The following SELENOI variants were observed in gnomAD, a reference collection of about 807,000 sequenced individuals.
SELENOI encodes ethanolaminephosphotransferase 1.
Under a neutral mutation model 50.7 loss-of-function variants are expected in SELENOI, and 24 were observed. The observed-to-expected ratio is 0.47, with a 90% CI of 0.34 to 0.67. The LOEUF is 0.67. SELENOI is among the 30% of genes least tolerant of loss of function. The probability of loss-of-function intolerance (pLI) is 0.01; values close to 1 mark genes in which losing one functional copy is unlikely to be tolerated. For missense variants in SELENOI, 352 were observed against 461.4 expected, an observed-to-expected ratio of 0.76 and a Z score of 2.17; for synonymous variants, 155 against 170.2, an observed-to-expected ratio of 0.91 and a Z score of 0.70.
intron 9 of SELENOI, among the ~76,000 whole-genome samples, 168 bp downstream of exon 9, chr2:26,386,704 T>A (rs1357784449): frequency 6.6e-6 from 1 of 152,238 alleles, no homozygotes; most frequent in African/African-American, 2.4e-5. Context: ...ATCCAGATGT[T>A]TAATTTCAGA....
intron 6 of SELENOI, 89 bp from the exon 7 acceptor site, chr2:26,383,210 G>C (rs1450460568): frequency 2.5e-6 from 2 of 810,112 alleles, no homozygotes; most frequent in East Asian, 6.3e-5. Flanking sequence ...AAATTTTTGG[G>C]GTCTAAAAAA....
intron 1 of SELENOI, among the ~76,000 whole-genome samples, chr2:26,362,340 T>G (rs1273348404): frequency 6.6e-6 from 1 of 152,210 alleles, no homozygotes; most frequent in Non-Finnish European, 1.5e-5. Flanking sequence ...GAAACACTGA[T>G]GTATTTCTTC....
At chr2:26,386,093 G>T (rs991454835) in intron 8 of SELENOI, among the ~76,000 whole-genome samples, 1 of 151,986 alleles carries the variant, frequency 6.6e-6, no homozygotes, top group African/African-American at 2.4e-5. Flanking sequence ...GTTGCCCAGT[G>T]GGAGAATGCC....
chr2:26,358,236 C>G (rs140593053), intron 1 of SELENOI, among the ~76,000 whole-genome samples: 83 of 152,262 alleles, frequency 5.5e-4, no homozygotes, highest in African/African-American at 1.9e-3. Flanking sequence ...AACCCCATCT[C>G]TACTAAAAAT....
At chr2:26,359,078 C>T (rs1230758712) in intron 1 of SELENOI, among the ~76,000 whole-genome samples, 8 of 152,132 alleles carry the variant, frequency 5.3e-5, no homozygotes, top group African/African-American at 9.7e-5. Context: ...ATTAGAACAC[C>T]GCCAGCCCCA....
intron 1 of SELENOI, among the ~76,000 whole-genome samples, chr2:26,361,425 T>C (rs904761011): frequency 6.6e-6 from 1 of 152,218 alleles, no homozygotes; most frequent in Non-Finnish European, 1.5e-5. Flanking sequence ...AAAACAACTA[T>C]AACAATGTAC....
At chr2:26,367,744 T>C in intron 4 of SELENOI, among the ~76,000 whole-genome samples, 1 of 152,166 alleles carries the variant, frequency 6.6e-6, no homozygotes, top group East Asian at 1.9e-4. Context: ...AAGGAAGTGA[T>C]CAATTCTTTT....
intron 1 of SELENOI, among the ~76,000 whole-genome samples, chr2:26,351,051 G>GTTGTTTTT (rs1558409882): frequency 2.0e-5 from 2 of 102,074 alleles, no homozygotes; most frequent in African/African-American, 1.1e-4. Flanking sequence ...TTCACTGTTT[G>GTTGTTTTT]TTTGTTTTTT....
chr2:26,377,273 T>C (rs1677587306), intron 6 of SELENOI, among the ~76,000 whole-genome samples: 1 of 152,046 alleles, frequency 6.6e-6, no homozygotes, highest in Non-Finnish European at 1.5e-5. Context: ...ATTCATTGCT[T>C]TTTTTTTCTT....
rs1278104177 is a variant in SELENOI, at chr2:26,349,343, G to C, written c.57+3054G>C. Reference sequence around the variant, plus strand: ...TTTTTTGAGATGGAGTTTTGCTTTTGTCGCCCAGGCTGGAGTGCAGTGGCG... The same window carrying C: ...TTTTTTGAGATGGAGTTTTGCTTTTCTCGCCCAGGCTGGAGTGCAGTGGCG... On this transcript the variant is annotated intron_variant, in intron 1 of 9. Transcript: ENST00000260585. Among the ~76,000 whole-genome samples the C allele has an allele frequency of 6.6e-5, 7 of 106,660 alleles. No individual in the cohort carries two copies. The Admixed American group carries it at 7.5e-4, about 11-fold the overall frequency. The allele number at this position is 106,660 out of a possible 152,430, so 70.0% of individuals were successfully genotyped here.
At chr2:26,380,403 T>TC (rs1308270082) in intron 6 of SELENOI, among the ~76,000 whole-genome samples, 1 of 152,034 alleles carries the variant, frequency 6.6e-6, no homozygotes, top group Non-Finnish European at 1.5e-5. Flanking sequence ...CCTTTTTTCC[T>TC]CCCCCCTCTT....
chr2:26,364,081 T>C (rs1163563814), intron 1 of SELENOI, among the ~76,000 whole-genome samples: 48 of 46,544 alleles, frequency 1.0e-3, no homozygotes, highest in Middle Eastern at 0.021. Context: ...TCTCCCCCTT[T>C]TTTTTTTTTT....
At chr2:26,361,713 G>C (rs1389737287) in intron 1 of SELENOI, among the ~76,000 whole-genome samples, 1 of 151,870 alleles carries the variant, frequency 6.6e-6, no homozygotes, top group Admixed American at 6.6e-5. Flanking sequence ...GAGCGCAGTG[G>C]CACAATCTTG....
intron 1 of SELENOI, among the ~76,000 whole-genome samples, chr2:26,361,727 C>T (rs1044867135): frequency 3.3e-5 from 5 of 151,846 alleles, no homozygotes; most frequent in African/African-American, 7.2e-5. Context: ...AATCTTGGCT[C>T]ACTGCAGCCT....
chr2:26,346,323 T>C (rs1676752199), intron 1 of SELENOI, 34 bp downstream of exon 1: 1 of 1,591,614 alleles, frequency 6.3e-7, no homozygotes. Flanking sequence ...CTCTCCCTGC[T>C]CCCGGCCTCG....
chr2:26,349,520 G>C (rs1402507105), intron 1 of SELENOI, among the ~76,000 whole-genome samples: 3 of 151,942 alleles, frequency 2.0e-5, no homozygotes, highest in African/African-American at 7.3e-5. Context: ...TGGCCAGGCT[G>C]GTCTCGAACT....
chr2:26,356,833 T>A (rs1218912503), intron 1 of SELENOI, among the ~76,000 whole-genome samples: 2 of 152,098 alleles, frequency 1.3e-5, no homozygotes, highest in African/African-American at 2.4e-5. Flanking sequence ...TCACCCTTCT[T>A]TATGATGCTG....
rs986561597 is a variant in SELENOI, at chr2:26,346,218, A to G, written c.-15A>G. ...GGGAGTCGCTGCCGAGTGGGCGCTC[A>G]GTTTTCGGGTCGTCATGGCTGGCTA... On this transcript the variant is annotated 5_prime_UTR_variant, in exon 1 of 10. Coordinates refer to ENST00000260585, the MANE Select transcript of SELENOI (RefSeq NM_033505.4). 6.2e-7 allele frequency: 1 copy of G among 1,613,614 alleles called. No individual in the cohort carries two copies. Among genetic ancestry groups the G allele is most frequent in the African/African-American group, 1.3e-5 (1 of 75,020 alleles).
chr2:26,385,182 T>TTTTAAAA, intron 8 of SELENOI, 43 bp downstream of exon 8: 1 of 1,123,100 alleles, frequency 8.9e-7, no homozygotes, highest in Non-Finnish European at 1.2e-6. Context: ...ATATTAGGAT[T>TTTTAAAA]GTATGACAGA....
Sources: gnomAD v4.1 joint callset for allele counts (sites outside exome capture counted in the v4.1 genomes callset) on GRCh38, gnomAD v4.1.1 for gene constraint, MANE v1.5 for transcripts, NCBI Gene and HGNC (gene_info 2026-07-23, HGNC 2026-07-21) for gene names.